Variants in RIC3 observed in about 807,000 individuals in gnomAD.
RIC3 encodes the protein protein RIC-3.
In RIC3, 28 loss-of-function variants were observed where a neutral mutation model predicts 27.3. The ratio of observed to expected loss-of-function variants is 1.02; its 90% CI spans 0.76 to 1.41. The LOEUF (loss-of-function observed/expected upper bound fraction) is 1.41, where lower values mean the gene tolerates loss of function less well. Among genes scored for constraint, RIC3 ranks in the 40% most tolerant of loss-of-function variants. The pLI, the probability that RIC3 is intolerant of heterozygous loss-of-function variation, is 0.00. For synonymous variants in RIC3, 184 were observed against 160.4 expected (o/e 1.15, Z -1.11); for missense variants, 501 against 444.7 (o/e 1.13, Z -1.14).
At chr11:8,142,556 G>C (rs1398383986) in intron 1 of RIC3, among the ~76,000 whole-genome samples, 1 of 148,284 alleles carries the variant, frequency 6.7e-6, no homozygotes, top group Non-Finnish European at 1.5e-5. Context: ...ACCAAAAAGA[G>C]TCCAGGACCA....
At chr11:8,097,514 C>T in the RIC3 span, 2 of 1,559,062 alleles carry the variant, frequency 1.3e-6, no homozygotes, top group African/African-American at 1.4e-5. Flanking sequence ...CTCATATCTA[C>T]CACTGACCTC....
intron 3 of RIC3, 88 bp from the exon 4 acceptor site, chr11:8,137,559 C>A: frequency 2.2e-6 from 2 of 920,398 alleles, no homozygotes; most frequent in South Asian, 1.5e-5. Context: ...AGCTATTGTA[C>A]TGTCTAACTT....
At chr11:8,099,705 A>T in the RIC3 span, among the ~76,000 whole-genome samples, 1 of 152,232 alleles carries the variant, frequency 6.6e-6, no homozygotes, top group Non-Finnish European at 1.5e-5. Context: ...AAGAAAAAGT[A>T]GGGGAGGGGA....
At position 8,139,983 on chromosome 11, in the gene RIC3, A is replaced by G. The variant is rs1483123086; in HGVS notation, c.335T>C (p.Leu112Pro). The change falls in exon 2 of 6, where the codon CTG becomes CCG. Residue 112 changes from leucine to proline, a missense_variant. Transcript: ENST00000309737. ...TCTACTTACCTTAAATAGAATGTAC[A>G]GTATATATAAAAAAATCCCAAAACC... ...IYGFGIFLYI[L>P]YILFKLSKGK... 1 of 1,613,732 alleles carries G rather than the reference A, an allele frequency of 6.2e-7. No individual in the cohort carries two copies. The highest frequency in any genetic ancestry group is 8.5e-7 in the Non-Finnish European group (1 of 1,179,684).
At chr11:8,141,211 G>A (rs1246288916) in intron 1 of RIC3, among the ~76,000 whole-genome samples, 1 of 151,790 alleles carries the variant, frequency 6.6e-6, no homozygotes, top group Non-Finnish European at 1.5e-5. Context: ...TGGACTAAAT[G>A]CTCCAATTAA....
chr11:8,149,709 C>G (rs1417776625), intron 1 of RIC3, among the ~76,000 whole-genome samples: 1 of 152,162 alleles, frequency 6.6e-6, no homozygotes, highest in Non-Finnish European at 1.5e-5. Flanking sequence ...AACGGGACCC[C>G]AAAGTAACCT....
downstream of RIC3, chr11:8,104,199 G>GTCTT (rs1944426179): frequency 6.6e-6 from 1 of 152,242 alleles, no homozygotes; most frequent in South Asian, 2.1e-4. Context: ...TGGATGGATG[G>GTCTT]TCTTTGGGCA....
At chr11:8,135,283 A>T (rs1428078113) in intron 4 of RIC3, among the ~76,000 whole-genome samples, 1 of 152,184 alleles carries the variant, frequency 6.6e-6, no homozygotes, top group Non-Finnish European at 1.5e-5. Flanking sequence ...GTCAAAGATC[A>T]GATAGTTGTA....
the RIC3 span, chr11:8,100,769 TG>T: frequency 6.2e-7 from 1 of 1,602,606 alleles, no homozygotes; most frequent in East Asian, 2.2e-5. Flanking sequence ...GATCCCTTTC[TG>T]GGGTGGTCAT....
the RIC3 span, chr11:8,100,545 G>T: frequency 7.4e-6 from 12 of 1,614,134 alleles, no homozygotes; most frequent in Non-Finnish European, 1.0e-5. Context: ...GAAGATGAGC[G>T]TGATTGTCCC....
the RIC3 span, chr11:8,100,723 G>A: frequency 3.8e-6 from 6 of 1,558,916 alleles, no homozygotes; most frequent in South Asian, 1.1e-5. Flanking sequence ...AGCCCTGGAG[G>A]TCTAGGGAAA....
intron 1 of RIC3, among the ~76,000 whole-genome samples, chr11:8,141,204 A>G (rs1290643665): frequency 6.6e-6 from 1 of 152,026 alleles, no homozygotes; most frequent in Admixed American, 6.6e-5. Context: ...ATGTAAATGG[A>G]CTAAATGCTC....
chr11:8,104,543 G>A (rs886395708), downstream of RIC3: 1 of 152,214 alleles, frequency 6.6e-6, no homozygotes, highest in Non-Finnish European at 1.5e-5. Flanking sequence ...AAGGAATAAG[G>A]ATGTTGTTAT....
downstream of RIC3, chr11:8,101,418 CTA>C (rs1208768103): frequency 3.8e-6 from 6 of 1,594,702 alleles, no homozygotes; most frequent in Non-Finnish European, 5.1e-6. Context: ...GGGTGTCTGT[CTA>C]TCCTTCCCTG....
At chr11:8,150,456 A>C (rs1441536055) in intron 1 of RIC3, among the ~76,000 whole-genome samples, 2 of 152,212 alleles carry the variant, frequency 1.3e-5, no homozygotes, top group African/African-American at 4.8e-5. Context: ...TTAGGGAACA[A>C]CTGAATATAC....
chr11:8,121,875 C>G (rs1405551299), intron 5 of RIC3, among the ~76,000 whole-genome samples: 1 of 151,894 alleles, frequency 6.6e-6, no homozygotes, highest in African/African-American at 2.4e-5. Context: ...ATTTGTGTTG[C>G]TTTTAAAAAA....
chr11:8,094,315 C>A, the RIC3 span: 1 of 1,248,706 alleles, frequency 8.0e-7, no homozygotes, highest in Non-Finnish European at 1.1e-6. Context: ...ACACAGACTG[C>A]CACTCTGGGC....
intron 4 of RIC3, among the ~76,000 whole-genome samples, chr11:8,134,089 G>A (rs1948073639): frequency 2.0e-5 from 3 of 151,874 alleles, no homozygotes; most frequent in Admixed American, 2.0e-4. Context: ...TTGGTGTGCT[G>A]CACCCATCAA....
At chr11:8,147,416 CT>C (rs1425781112) in intron 1 of RIC3, among the ~76,000 whole-genome samples, 1 of 151,582 alleles carries the variant, frequency 6.6e-6, no homozygotes, top group East Asian at 1.9e-4. Flanking sequence ...AAAAGGGTAC[CT>C]TAGTTGATTG....
Sources: gnomAD v4.1 joint callset for allele counts (sites outside exome capture counted in the v4.1 genomes callset) on GRCh38, gnomAD v4.1.1 for gene constraint, MANE v1.5 for transcripts, NCBI Gene and HGNC (gene_info 2026-07-23, HGNC 2026-07-21) for gene names.